Variants in PCDH11X observed in about 807,000 individuals in gnomAD.
PCDH11X encodes protocadherin 11 X-linked.
In PCDH11X, 18 loss-of-function variants were observed where a neutral mutation model predicts 53.3. The ratio of observed to expected loss-of-function variants is 0.34; its 90% CI spans 0.23 to 0.50. The LOEUF (loss-of-function observed/expected upper bound fraction) is 0.50, where lower values mean the gene tolerates loss of function less well. PCDH11X is among the 20% of genes least tolerant of loss of function. PCDH11X has a pLI of 0.98. For missense variants in PCDH11X, 570 were observed against 1,032.4 expected, an observed-to-expected ratio of 0.55 and a Z score of 6.14; for synonymous variants, 279 against 393.3, an observed-to-expected ratio of 0.71 and a Z score of 3.44.
At chrX:91,839,016 GACTTAAA>G (rs1351257791) in intron 5 of PCDH11X, among the ~76,000 whole-genome samples, 72 of 112,623 alleles carry the variant, frequency 6.4e-4, no homozygotes, top group East Asian at 2.2e-3. Flanking sequence ...AATTTCATAA[GACTTAAA>G]ACTTAGAATA....
intron 10 of PCDH11X, among the ~76,000 whole-genome samples, chrX:92,615,274 G>A (rs1927840126): frequency 9.0e-6 from 1 of 110,711 alleles, no homozygotes; most frequent in African/African-American, 3.3e-5. Flanking sequence ...TTATGTCCAT[G>A]AAAAGTGGGG....
chrX:91,933,223 T>C (rs932549965), intron 6 of PCDH11X, among the ~76,000 whole-genome samples: 2 of 109,722 alleles, frequency 1.8e-5, no homozygotes, highest in Admixed American at 9.8e-5. Flanking sequence ...TTTGTGCCAG[T>C]TGAAAAACTG....
chrX:92,143,014 C>G (rs183161307), intron 6 of PCDH11X, among the ~76,000 whole-genome samples: 2 of 111,408 alleles, frequency 1.8e-5, no homozygotes, highest in Non-Finnish European at 3.8e-5. Context: ...TGGTGGCTCA[C>G]GCCTGTAATC....
At position 92,179,719 on chromosome X, in the gene PCDH11X, A is replaced by G. The variant is rs137918804; in HGVS notation, c.3034-21656A>G. 3.3e-3 allele frequency among the ~76,000 whole-genome samples: 369 copies of G among 112,184 alleles called. 6 individuals carry two copies. The highest frequency in any genetic ancestry group is 0.024 in the East Asian group (86 of 3,550). ...TATATCATAGAGTCCTTTTGAGCTT[A>G]TTCAAAAGGCAATTAGAGGTAATAC... On this transcript the variant is annotated intron_variant, in intron 6 of 10. Coordinates refer to ENST00000682573, the MANE Select transcript of PCDH11X (RefSeq NM_032968.5).
At chrX:91,795,953 A>T (rs1935719713) in intron 1 of PCDH11X, among the ~76,000 whole-genome samples, 1 of 112,067 alleles carries the variant, frequency 8.9e-6, no homozygotes, top group South Asian at 3.7e-4. Context: ...CCCATTTCAA[A>T]TATTTTAAAG....
chrX:92,083,095 T>A (rs754379520), intron 6 of PCDH11X, among the ~76,000 whole-genome samples: 114 of 111,540 alleles, frequency 1.0e-3, no homozygotes, highest in African/African-American at 3.6e-3. Flanking sequence ...ACACTGTGAA[T>A]CATCACACTT....
intron 6 of PCDH11X, among the ~76,000 whole-genome samples, chrX:92,026,405 C>A (rs2062970079): frequency 9.4e-6 from 1 of 105,897 alleles, no homozygotes; most frequent in Non-Finnish European, 1.9e-5. Context: ...TTACTATCTG[C>A]CTTTTTACAG....
At chrX:92,573,921 G>C (rs1250500494) in intron 10 of PCDH11X, among the ~76,000 whole-genome samples, 1 of 111,021 alleles carries the variant, frequency 9.0e-6, no homozygotes, top group African/African-American at 3.3e-5. Context: ...AAATAAGGTA[G>C]TTTTTAATGC....
intron 6 of PCDH11X, among the ~76,000 whole-genome samples, chrX:91,980,979 AAT>A (rs3083658): frequency 0.28 from 26,817 of 95,717 alleles, 3,177 homozygotes; most frequent in East Asian, 0.37. Context: ...ATATACACTG[AAT>A]ATATATATAT....
chrX:92,441,138 C>T (rs2072506187), intron 9 of PCDH11X, among the ~76,000 whole-genome samples: 1 of 107,780 alleles, frequency 9.3e-6, no homozygotes, highest in South Asian at 4.3e-4. Flanking sequence ...AATTTCTAAG[C>T]AGCAAAGCAT....
At chrX:92,004,531 T>G (rs1218019961) in intron 6 of PCDH11X, among the ~76,000 whole-genome samples, 2 of 110,859 alleles carry the variant, frequency 1.8e-5, no homozygotes, top group Non-Finnish European at 3.8e-5. Flanking sequence ...TCTCTTTAGC[T>G]CTAATAATAT....
chrX:91,986,645 C>T (rs1356798099), intron 6 of PCDH11X, among the ~76,000 whole-genome samples: 1 of 108,587 alleles, frequency 9.2e-6, no homozygotes, highest in Admixed American at 9.9e-5. Context: ...TCTCTTCCTC[C>T]ATCCTCAAAG....
At chrX:91,919,592 A>G (rs1373175004) in intron 6 of PCDH11X, among the ~76,000 whole-genome samples, 5 of 111,222 alleles carry the variant, frequency 4.5e-5, no homozygotes, top group African/African-American at 1.6e-4. Context: ...TTTTCACTCC[A>G]CAGCCAGGAC....
chrX:91,790,332 A>G (rs1304809415), intron 1 of PCDH11X, among the ~76,000 whole-genome samples: 1 of 111,905 alleles, frequency 8.9e-6, no homozygotes, highest in East Asian at 2.8e-4. Flanking sequence ...TTCATCATAC[A>G]GTGTCAACGG....
At chrX:92,189,047 T>G (rs969422266) in intron 6 of PCDH11X, among the ~76,000 whole-genome samples, 1 of 111,183 alleles carries the variant, frequency 9.0e-6, no homozygotes, top group Admixed American at 9.7e-5. Context: ...TAATATAAAT[T>G]AATATATACA....
In PCDH11X at chrX:92,621,580, C is replaced by T. The variant is rs778100821; in HGVS notation, c.*2640C>T. 1.1e-4 allele frequency: 12 copies of T among 111,029 alleles called. No homozygotes were observed. The highest frequency in any genetic ancestry group is 1.9e-4 in the Non-Finnish European group (10 of 53,009). The allele number at this position is 111,029 out of a possible 1,213,427, so 9.2% of individuals were successfully genotyped here. A position where few individuals can be genotyped will look rare whatever the true frequency, so the allele number is the denominator to read the frequency against. Reference sequence around the variant, plus strand: ...AGTTATTCTCCCCTATGCCTTCCTTCTCTTTCTAAGCGTCCACTAGGTCTG... The same window carrying T: ...AGTTATTCTCCCCTATGCCTTCCTTTTCTTTCTAAGCGTCCACTAGGTCTG... On this transcript the variant is annotated 3_prime_UTR_variant, in exon 11 of 11. Coordinates refer to ENST00000682573, the MANE Select transcript of PCDH11X (RefSeq NM_032968.5).
At chrX:92,059,763 GAATTACAGTCCTGTAATT>G (rs1569333031) in intron 6 of PCDH11X, among the ~76,000 whole-genome samples, 2 of 110,493 alleles carry the variant, frequency 1.8e-5, no homozygotes, top group Admixed American at 1.9e-4. Flanking sequence ...TTTGATCCTA[GAATTACAGTCCTGTAATT>G]TAGACCTCCT....
chrX:91,892,960 A>G (rs1033413529), intron 6 of PCDH11X, among the ~76,000 whole-genome samples: 1 of 110,205 alleles, frequency 9.1e-6, no homozygotes, highest in Admixed American at 9.7e-5. Flanking sequence ...CCAAGAACAC[A>G]ATTTTAATAC....
chrX:92,610,589 T>C (rs1927266839), intron 10 of PCDH11X, among the ~76,000 whole-genome samples: 1 of 110,535 alleles, frequency 9.0e-6, no homozygotes, highest in Admixed American at 9.7e-5. Flanking sequence ...GCAGAAGCTC[T>C]TTAGTTTAAT....
Sources: gnomAD v4.1 joint callset for allele counts (sites outside exome capture counted in the v4.1 genomes callset) on GRCh38, gnomAD v4.1.1 for gene constraint, MANE v1.5 for transcripts, NCBI Gene and HGNC (gene_info 2026-07-23, HGNC 2026-07-21) for gene names.